Variants in BTK observed in about 807,000 individuals in gnomAD.
BTK encodes the protein Bruton tyrosine kinase.
Under a neutral mutation model 57.4 loss-of-function variants are expected in BTK, and 5 were observed. That is an observed-to-expected ratio of 0.09 (90% CI 0.05 to 0.18). BTK has a LOEUF of 0.18. Among genes scored for constraint, BTK ranks in the 10% least tolerant of loss-of-function variants. The probability of loss-of-function intolerance (pLI) is 1.00; values close to 1 mark genes in which losing one functional copy is unlikely to be tolerated. For synonymous variants in BTK, 154 were observed against 174.3 expected, an observed-to-expected ratio of 0.88 and a Z score of 0.92; for missense variants, 194 against 501.2, an observed-to-expected ratio of 0.39 and a Z score of 5.85.
chrX:101,356,690 T>A, intron 14 of BTK, 94 bp downstream of exon 14: 1 of 1,064,498 alleles, frequency 9.4e-7, no homozygotes, highest in Non-Finnish European at 1.3e-6. Context: ...CAAACCTCTC[T>A]TACTGTAAGT....
At chrX:101,356,012 A>G in intron 15 of BTK, 40 bp downstream of exon 15, 1 of 1,172,103 alleles carries the variant, frequency 8.5e-7, no homozygotes, top group Non-Finnish European at 1.2e-6. Flanking sequence ...CTTCCACCCC[A>G]TCAGCCCTTT....
At chrX:101,358,802 G>C in intron 10 of BTK, 106 bp from the exon 11 acceptor site, 1 of 666,457 alleles carries the variant, frequency 1.5e-6, no homozygotes, top group African/African-American at 2.1e-5. Flanking sequence ...TGATTTTACT[G>C]CCAAGTTCCA....
upstream of BTK, chrX:101,390,529 T>C (rs1015616681): frequency 7.8e-6 from 4 of 514,242 alleles, no homozygotes; most frequent in Non-Finnish European, 1.4e-5. Context: ...TAACCATTTG[T>C]TGAATGGACC....
At chrX:101,355,558 T>TCGGTGGTCGCCGTATCA in intron 15 of BTK, 2 of 122,254 alleles carry the variant, frequency 1.6e-5, no homozygotes, top group Non-Finnish European at 1.7e-5. Flanking sequence ...CGGTGTAGAT[T>TCGGTGGTCGCCGTATCA]TTCAAGAGAA....
chrX:101,367,798 G>A (rs1459746183), intron 5 of BTK, among the ~76,000 whole-genome samples: 4 of 111,329 alleles, frequency 3.6e-5, no homozygotes, highest in Non-Finnish European at 7.5e-5. Flanking sequence ...AGTCTGCCTT[G>A]CATTCCCCCA....
At chrX:101,385,827 A>C (rs1927592454) in intron 1 of BTK, among the ~76,000 whole-genome samples, 1 of 111,217 alleles carries the variant, frequency 9.0e-6, no homozygotes, top group Admixed American at 9.5e-5. Context: ...ACCTCATGTC[A>C]CATTTTTCTC....
chrX:101,361,372 C>CG (rs1468194684), intron 7 of BTK, among the ~76,000 whole-genome samples: 5 of 110,970 alleles, frequency 4.5e-5, no homozygotes, highest in African/African-American at 6.6e-5. Flanking sequence ...GTCAGGAAAC[C>CG]GGCTTGGCAC....
chrX:101,364,317 G>A (rs1375039061), intron 5 of BTK, among the ~76,000 whole-genome samples: 1 of 106,275 alleles, frequency 9.4e-6, no homozygotes, highest in African/African-American at 3.4e-5. Flanking sequence ...GCTGAGACAG[G>A]AGAATCACTT....
intron 1 of BTK, among the ~76,000 whole-genome samples, chrX:101,378,699 C>T (rs1927305301): frequency 9.0e-6 from 1 of 111,379 alleles, no homozygotes; most frequent in South Asian, 3.8e-4. Flanking sequence ...TACAGGGCCA[C>T]CTTTTGCAGC....
intron 1 of BTK, among the ~76,000 whole-genome samples, 190 bp from the exon 2 acceptor site, chrX:101,375,504 T>C (rs1327306732): frequency 1.8e-5 from 2 of 111,826 alleles, no homozygotes; most frequent in Non-Finnish European, 3.8e-5. Flanking sequence ...GCACACTGAA[T>C]TGGGGGGGGA....
At position 101,359,366 on chromosome X, in the gene BTK, G is replaced by A; in HGVS notation, c.840-19C>T. 8.3e-7 allele frequency: 1 copy of A among 1,207,855 alleles called. No individual in the cohort carries two copies. ...ATACCACCTGTGAAGGGAGAGTGCT[G>A]CTTGAGTGGCTCCTGGTCATAAGCA... On this transcript the variant is annotated intron_variant, in intron 9 of 18. Coordinates refer to ENST00000308731, the MANE Select transcript of BTK (RefSeq NM_000061.3).
upstream of BTK, among the ~76,000 whole-genome samples, chrX:101,386,853 T>C (rs1555982529): frequency 8.9e-6 from 1 of 112,340 alleles, no homozygotes; most frequent in African/African-American, 3.2e-5. Flanking sequence ...TAACTCTCAA[T>C]GTCCACCTTT....
intron 1 of BTK, among the ~76,000 whole-genome samples, chrX:101,376,982 C>T (rs188280488): frequency 1.3e-3 from 140 of 111,423 alleles, no homozygotes; most frequent in Middle Eastern, 9.1e-3. Context: ...GTCAAAGGAA[C>T]ACCAGGGGTG....
At chrX:101,388,585 A>C (rs1371526831), upstream of BTK, among the ~76,000 whole-genome samples, 9 of 112,071 alleles carry the variant, frequency 8.0e-5, no homozygotes, top group Admixed American at 2.8e-4. Flanking sequence ...ATTAGTTCCC[A>C]AAAAGATCTT....
chrX:101,354,509 G>A (rs781977943), intron 16 of BTK, 121 bp downstream of exon 16: 18 of 728,554 alleles, frequency 2.5e-5, no homozygotes, highest in East Asian at 9.6e-5. Flanking sequence ...TAGAAAGATC[G>A]GCAGAAAACG....
At chrX:101,359,181 C>T (rs1926584069) in intron 10 of BTK, 112 bp downstream of exon 10, 8 of 846,882 alleles carry the variant, frequency 9.4e-6, no homozygotes, top group East Asian at 3.1e-5. Flanking sequence ...GGATCCCAGA[C>T]GATGGCAGCT....
intron 18 of BTK, among the ~76,000 whole-genome samples, chrX:101,351,153 G>A (rs889429628): frequency 7.2e-5 from 8 of 111,060 alleles, no homozygotes; most frequent in Admixed American, 9.6e-5. Flanking sequence ...ACATCACCAC[G>A]CCTGGTTAAT....
intron 1 of BTK, among the ~76,000 whole-genome samples, chrX:101,385,847 C>T (rs782643442): frequency 1.4e-4 from 16 of 111,418 alleles, no homozygotes; most frequent in Non-Finnish European, 2.8e-4. Flanking sequence ...CTTCCTGTTC[C>T]GCCCACCCTC....
chrX:101,371,594 CA>C (rs1283921542), intron 4 of BTK, 38 bp downstream of exon 4: 1 of 1,128,419 alleles, frequency 8.9e-7, no homozygotes, highest in African/African-American at 1.8e-5. Flanking sequence ...AATTGTGTTA[CA>C]GGGGCCTTTC....
Sources: allele counts gnomAD v4.1 joint callset (sites outside exome capture counted in the v4.1 genomes callset), GRCh38; gene constraint gnomAD v4.1.1; transcripts MANE v1.5; gene names NCBI Gene and HGNC (gene_info 2026-07-23, HGNC 2026-07-21).